The following EVC variants were observed in gnomAD, a reference collection of about 807,000 sequenced individuals.
The protein encoded by EVC is EvC ciliary complex subunit 1, also known as evC complex member EVC.
EVC carries 116 observed loss-of-function variants against 118.9 expected under a neutral mutation model. That is an observed-to-expected ratio of 0.98 (90% CI 0.84 to 1.14). The LOEUF is 1.14. EVC is among the 50% of genes most tolerant of loss of function. The pLI, the probability that EVC is intolerant of heterozygous loss-of-function variation, is 0.00. For synonymous variants in EVC, 619 were observed against 534.7 expected (o/e 1.16, Z -2.18); for missense variants, 1,401 against 1,246.4 (o/e 1.12, Z -1.87).
chr4:5,807,941 A>G (rs1170550159), intron 17 of EVC, among the ~76,000 whole-genome samples: 1 of 151,988 alleles, frequency 6.6e-6, no homozygotes, highest in Admixed American at 6.5e-5. Flanking sequence ...GGTGTCATGA[A>G]GCTCCTCCGA....
chr4:5,745,479 C>T (rs1446415161), intron 7 of EVC, 138 bp downstream of exon 7: 2 of 873,304 alleles, frequency 2.3e-6, no homozygotes, highest in Non-Finnish European at 1.8e-6. Context: ...AGGCAGGATC[C>T]AGTTTCTGAT....
At chr4:5,771,763 A>G (rs183152230) in intron 11 of EVC, among the ~76,000 whole-genome samples, 13 of 152,312 alleles carry the variant, frequency 8.5e-5, no homozygotes, top group African/African-American at 2.9e-4. Flanking sequence ...GGCAGTTTCC[A>G]TGGTCCTTTA....
At chr4:5,806,085 C>CTT (rs113680421) in intron 17 of EVC, among the ~76,000 whole-genome samples, 1,641 of 144,574 alleles carry the variant, frequency 0.011, 33 homozygotes, top group African/African-American at 0.039. Context: ...CTTCCACTCT[C>CTT]TTTTTTTTTT....
intron 2 of EVC, among the ~76,000 whole-genome samples, chr4:5,728,390 A>G (rs1442733461): frequency 6.6e-6 from 1 of 151,632 alleles, no homozygotes; most frequent in Non-Finnish European, 1.5e-5. Context: ...TTGTTGGTGT[A>G]TAAGAATGCT....
chr4:5,822,364 C>G, the EVC span, among the ~76,000 whole-genome samples: 4 of 152,084 alleles, frequency 2.6e-5, no homozygotes, highest in Non-Finnish European at 1.5e-5. Flanking sequence ...GCACACTGTC[C>G]CACACTCCAA....
chr4:5,799,926 A>G (rs2152350526), intron 15 of EVC, among the ~76,000 whole-genome samples: 1 of 152,356 alleles, frequency 6.6e-6, no homozygotes, highest in East Asian at 1.9e-4. Flanking sequence ...CTAACAGTAA[A>G]TGCTCGCTGC....
At chr4:5,745,168 T>C (rs1049373754) in intron 6 of EVC, 36 bp from the exon 7 acceptor site, 21 of 1,601,956 alleles carry the variant, frequency 1.3e-5, no homozygotes, top group Non-Finnish European at 1.7e-5. Flanking sequence ...ACTTTTTCTT[T>C]GTTTATTTGC....
At chr4:5,820,293 A>G in the EVC span, among the ~76,000 whole-genome samples, 2 of 151,832 alleles carry the variant, frequency 1.3e-5, no homozygotes, top group Non-Finnish European at 2.9e-5. Flanking sequence ...CGTCACCATC[A>G]TCACCATCAC....
At chr4:5,816,122 A>G (rs1205235044), downstream of EVC, among the ~76,000 whole-genome samples, 3 of 151,978 alleles carry the variant, frequency 2.0e-5, no homozygotes, top group East Asian at 5.8e-4. Context: ...CAGATTGGAC[A>G]GGAGGCCTGG....
intron 11 of EVC, among the ~76,000 whole-genome samples, chr4:5,772,013 T>G (rs1026101240): frequency 7.9e-5 from 12 of 152,048 alleles, no homozygotes; most frequent in Non-Finnish European, 1.6e-4. Flanking sequence ...TTCTCCTGTC[T>G]CAGCCTCCCG....
chr4:5,819,821 T>C, the EVC span, among the ~76,000 whole-genome samples: 3 of 152,172 alleles, frequency 2.0e-5, no homozygotes, highest in Admixed American at 6.5e-5. Context: ...TCTTGGTCTT[T>C]CTCAGTAGTT....
intron 19 of EVC, among the ~76,000 whole-genome samples, chr4:5,809,816 G>C (rs1716595840): frequency 6.6e-6 from 1 of 152,142 alleles, no homozygotes; most frequent in Admixed American, 6.5e-5. Flanking sequence ...GATAATTCCA[G>C]TTCTTGGGTC....
At chr4:5,784,471 C>T (rs929521578) in intron 12 of EVC, among the ~76,000 whole-genome samples, 4 of 152,164 alleles carry the variant, frequency 2.6e-5, no homozygotes, top group Admixed American at 6.5e-5. Flanking sequence ...CTGCTGACAC[C>T]TTGATTTTAA....
downstream of EVC, among the ~76,000 whole-genome samples, chr4:5,815,155 G>A (rs1425714265): frequency 6.6e-6 from 1 of 152,034 alleles, no homozygotes; most frequent in Non-Finnish European, 1.5e-5. Flanking sequence ...TCTGACTGTG[G>A]CATTGTAAAC....
chr4:5,790,774 GA>G (rs1224109723), intron 12 of EVC, among the ~76,000 whole-genome samples: 1 of 152,106 alleles, frequency 6.6e-6, no homozygotes, highest in East Asian at 1.9e-4. Context: ...ACAAGACACT[GA>G]AAAAATATAC....
intron 16 of EVC, among the ~76,000 whole-genome samples, chr4:5,802,705 C>T (rs986270342): frequency 5.9e-5 from 9 of 152,134 alleles, no homozygotes; most frequent in Admixed American, 5.2e-4. Flanking sequence ...ATAGGGTTCA[C>T]GCTCCTATGA....
At chr4:5,825,849 A>C in the EVC span, 159 of 600,714 alleles carry the variant, frequency 2.6e-4, no homozygotes, top group African/African-American at 3.1e-3. The surrounding 1 kb of genome is among the most constrained non-coding windows in gnomAD (Gnocchi z 4.4). Flanking sequence ...GCATTCATAC[A>C]CACAAGCATG....
chr4:5,736,243 T>G (rs1346938152), intron 5 of EVC, among the ~76,000 whole-genome samples: 1 of 152,098 alleles, frequency 6.6e-6, no homozygotes, highest in African/African-American at 2.4e-5. Flanking sequence ...TGGCTGCACT[T>G]ACGTGAATCT....
At chr4:5,814,617 C>T (rs888721160), downstream of EVC, among the ~76,000 whole-genome samples, 5 of 152,166 alleles carry the variant, frequency 3.3e-5, no homozygotes, top group African/African-American at 9.7e-5. Flanking sequence ...GAGGTCTAGG[C>T]TGAGCCCACC....
Sources: allele counts gnomAD v4.1 joint callset (sites outside exome capture counted in the v4.1 genomes callset), GRCh38; gene constraint gnomAD v4.1.1; non-coding constraint Gnocchi (gnomAD v3.1); transcripts MANE v1.5; gene names NCBI Gene and HGNC (gene_info 2026-07-23, HGNC 2026-07-21).